FANCA: variants seen among roughly 807,000 people sequenced by gnomAD.
The protein encoded by FANCA is Fanconi anemia group A protein.
A neutral mutation model predicts 194.3 loss-of-function variants in FANCA; 236 were observed. That is an observed-to-expected ratio of 1.21 (90% CI 1.09 to 1.35). The LOEUF (loss-of-function observed/expected upper bound fraction) is 1.35, where lower values mean the gene tolerates loss of function less well. FANCA is among the 40% of genes most tolerant of loss of function. The pLI is 0.00. For missense variants in FANCA, 2,628 were observed against 1,813.9 expected (o/e 1.45, Z -8.15); for synonymous variants, 1,014 against 715.8 (o/e 1.42, Z -6.65).
chr16:89,767,576 G>C lies in FANCA; in HGVS notation c.2505-339C>G, dbSNP rs77236990. 6.5e-4 allele frequency among the ~76,000 whole-genome samples: 98 copies of C among 151,924 alleles called. No individual in the cohort carries two copies. In the East Asian group the frequency reaches 0.018, roughly 28 times the overall value. On this transcript the variant is annotated intron_variant, in intron 26 of 42. Coordinates refer to ENST00000389301, the MANE Select transcript of FANCA (RefSeq NM_000135.4). ...GTTAGTGCTTTTTTTTTGAGAGGGA[G>C]TCTTGCTCTGTTGCCAAGCCGGAGT...
At chr16:89,774,717 G>A (rs12934857) in intron 21 of FANCA, among the ~76,000 whole-genome samples, 7 of 51,088 alleles carry the variant, frequency 1.4e-4, no homozygotes, top group East Asian at 3.1e-4. Context: ...GCAACAGAGC[G>A]AGACTCTGTC....
intron 23 of FANCA, 67 bp from the exon 24 acceptor site, chr16:89,770,701 A>T (rs2143341075): frequency 7.4e-7 from 1 of 1,360,416 alleles, no homozygotes; most frequent in Non-Finnish European, 1.0e-6. Flanking sequence ...GAAGCCGGCC[A>T]GCGCTCCCGC....
chr16:89,791,372 G>A (rs761251331), intron 14 of FANCA, 31 bp downstream of exon 14: 1 of 1,611,736 alleles, frequency 6.2e-7, no homozygotes, highest in East Asian at 2.2e-5. Context: ...GGAAGATCAG[G>A]TATTAGGTAG....
chr16:89,806,887 G>A (rs1371606409), intron 6 of FANCA, among the ~76,000 whole-genome samples: 1 of 152,162 alleles, frequency 6.6e-6, no homozygotes, highest in Non-Finnish European at 1.5e-5. Flanking sequence ...ACGGGGTGGT[G>A]GCCGGGTAGA....
intron 3 of FANCA, among the ~76,000 whole-genome samples, chr16:89,813,484 G>A (rs930721197): frequency 2.6e-5 from 4 of 151,772 alleles, no homozygotes; most frequent in African/African-American, 4.8e-5. Context: ...CCAGGCTGGA[G>A]TGCAATGGAG....
rs775750910 is a variant in FANCA at position 89,808,386 on chromosome 16, C to CA, written c.523-20dup. Reference sequence around the variant, plus strand: ...AAGAACTCTGAAAAACAAAACAAAACAAACAAAAACAAAAACAAAAAAACC... The same window carrying CA: ...AAGAACTCTGAAAAACAAAACAAAACAAAACAAAAACAAAAACAAAAAAACC... On this transcript the variant is annotated intron_variant, in intron 5 of 42. Coordinates refer to ENST00000389301, the MANE Select transcript of FANCA (RefSeq NM_000135.4). 5.0e-5 allele frequency: 81 copies of CA among 1,613,302 alleles called. No individual in the cohort carries two copies. In the South Asian group the frequency reaches 8.5e-4, roughly 17 times the overall value.
At chr16:89,780,516 C>T (rs1190842697) in intron 17 of FANCA, among the ~76,000 whole-genome samples, 1 of 151,550 alleles carries the variant, frequency 6.6e-6, no homozygotes, top group Non-Finnish European at 1.5e-5. Context: ...CCCAGCTACT[C>T]AGGACGTGGA....
At chr16:89,784,398 C>CAAAAAAAAAAAAAAAAAA (rs140174501) in intron 15 of FANCA, among the ~76,000 whole-genome samples, 1 of 81,834 alleles carries the variant, frequency 1.2e-5, no homozygotes, top group African/African-American at 4.1e-5. Context: ...AACAAAAAAA[C>CAAAAAAAAAAAAAAAAAA]AAAAAAAAAA....
At position 89,769,959 on chromosome 16, in the gene FANCA, G is replaced by C. The variant is rs1223394099; in HGVS notation, c.2382C>G (p.Ser794=). The change falls in exon 26 of 43, where the codon TCC becomes TCG. Residue 794 remains serine, a synonymous_variant. Coordinates refer to ENST00000389301, the MANE Select transcript of FANCA (RefSeq NM_000135.4). ...LAALAVHLGE[S]RSALPEVDVG... ...CATCCACCTCTGGGAGCGCAGACCT[G>C]GACTCACCCAGGTGCACGGCCAGGG... 6.2e-7 allele frequency: 1 copy of C among 1,614,038 alleles called. No individual in the cohort carries two copies. The highest frequency in any genetic ancestry group is 1.7e-5 in the Admixed American group (1 of 60,028).
intron 20 of FANCA, chr16:89,778,252 G>A (rs1241086830): frequency 4.9e-6 from 1 of 205,880 alleles, no homozygotes; most frequent in Non-Finnish European, 9.9e-6. Context: ...CATCTTCTGA[G>A]CTCAGGAGTT....
rs867016841 is a variant in FANCA at position 89,773,338 on chromosome 16, G to A, written c.1947C>T (p.Pro649=). The A allele has an allele frequency of 1.3e-6, 2 of 1,551,562 alleles. No homozygotes were observed. Among genetic ancestry groups the A allele is most frequent in the East Asian group, 2.4e-5 (1 of 40,918 alleles). ...VRAEPNSAEE[P]LGQLTAALGE... ...CCAGTGCAGCTGTGAGCTGTCCCAGGGGCTCCTCAGCAGAGTTGGGTTCTG... is the reference window on the plus strand; with the variant it reads ...CCAGTGCAGCTGTGAGCTGTCCCAGAGGCTCCTCAGCAGAGTTGGGTTCTG... The change falls in exon 22 of 43, where the codon CCC becomes CCT. Residue 649 remains proline, a synonymous_variant. Transcript: ENST00000389301.
intron 29 of FANCA, among the ~76,000 whole-genome samples, chr16:89,760,880 T>C (rs938133431): frequency 3.9e-5 from 6 of 152,176 alleles, no homozygotes; most frequent in African/African-American, 1.4e-4. Context: ...TGTATCTACC[T>C]GTGTGTTGCC....
At chr16:89,779,304 G>A (rs569832061) in intron 18 of FANCA, among the ~76,000 whole-genome samples, 1 of 152,094 alleles carries the variant, frequency 6.6e-6, no homozygotes, top group East Asian at 1.9e-4. Flanking sequence ...AATTTCCTTG[G>A]AGCTAAATTT....
intron 37 of FANCA, 124 bp downstream of exon 37, chr16:89,742,676 A>AAAAAAAAC: frequency 1.3e-6 from 1 of 755,788 alleles, no homozygotes; most frequent in African/African-American, 1.9e-5. Context: ...AAAAAAAAAA[A>AAAAAAAAC]GTCTTGCTCC....
chr16:89,781,363 C>CAAAAACAAAA (rs1567627447), intron 17 of FANCA, among the ~76,000 whole-genome samples: 3 of 60,396 alleles, frequency 5.0e-5, no homozygotes, highest in Non-Finnish European at 8.8e-5. Context: ...GACTCCATTC[C>CAAAAACAAAA]AAAAAAAAAA....
chr16:89,808,204 TCAAA>T, intron 6 of FANCA, 86 bp downstream of exon 6: 6 of 1,269,650 alleles, frequency 4.7e-6, no homozygotes, highest in Non-Finnish European at 6.9e-6. Context: ...AAGCCAGAAA[TCAAA>T]CCCGTCTGAT....
At chr16:89,802,858 TAG>T (rs1182385285) in intron 8 of FANCA, among the ~76,000 whole-genome samples, 1 of 151,812 alleles carries the variant, frequency 6.6e-6, no homozygotes, top group African/African-American at 2.4e-5. Context: ...CTTGTGGAGG[TAG>T]AGAGTAGAAC....
intron 4 of FANCA, 33 bp downstream of exon 4, chr16:89,810,895 CG>C: frequency 6.2e-7 from 1 of 1,614,120 alleles, no homozygotes; most frequent in African/African-American, 1.3e-5. Context: ...AAAGTAACAA[CG>C]GGCAGGTTTC....
At chr16:89,803,954 G>A (rs2143620827) in intron 7 of FANCA, among the ~76,000 whole-genome samples, 1 of 152,056 alleles carries the variant, frequency 6.6e-6, no homozygotes, top group South Asian at 2.1e-4. Flanking sequence ...GGTTTCCAAG[G>A]GAGGTCTTAT....
Sources: allele counts gnomAD v4.1 joint callset (sites outside exome capture counted in the v4.1 genomes callset), GRCh38; gene constraint gnomAD v4.1.1; transcripts MANE v1.5; gene names NCBI Gene and HGNC (gene_info 2026-07-23, HGNC 2026-07-21).